ELAPOR2: variants seen among roughly 807,000 people sequenced by gnomAD.
ELAPOR2 encodes endosome/lysosome-associated apoptosis and autophagy regulator family member 2.
In ELAPOR2, 89 loss-of-function variants were observed where a neutral mutation model predicts 120.7. That is an observed-to-expected ratio of 0.74 (90% confidence interval 0.62 to 0.88). The LOEUF (loss-of-function observed/expected upper bound fraction) is 0.88, where lower values mean the gene tolerates loss of function less well. ELAPOR2 is among the 40% of genes least tolerant of loss of function. The probability of loss-of-function intolerance (pLI) is 0.00; values close to 1 mark genes in which losing one functional copy is unlikely to be tolerated. For synonymous variants in ELAPOR2, 444 were observed against 444.9 expected (o/e 1.00, Z 0.03); for missense variants, 1,134 against 1,251.6 (o/e 0.91, Z 1.42).
At chr7:86,982,205 C>T (rs764494894) in intron 1 of ELAPOR2, among the ~76,000 whole-genome samples, 1 of 152,282 alleles carries the variant, frequency 6.6e-6, no homozygotes, top group African/African-American at 2.4e-5. Flanking sequence ...GGCCTGTTGC[C>T]TCTGTACATT....
At chr7:86,968,485 G>A (rs1484849692) in intron 1 of ELAPOR2, among the ~76,000 whole-genome samples, 3 of 151,984 alleles carry the variant, frequency 2.0e-5, no homozygotes, top group Non-Finnish European at 4.4e-5. Context: ...ATATCCAGAG[G>A]GTAATAATCA....
At chr7:86,906,973 G>A (rs1789050027) in intron 18 of ELAPOR2, among the ~76,000 whole-genome samples, 1 of 152,122 alleles carries the variant, frequency 6.6e-6, no homozygotes, top group East Asian at 1.9e-4. Context: ...AGGCATTCAA[G>A]TGTCACTCAT....
chr7:86,978,195 A>G (rs1031273759), intron 1 of ELAPOR2, among the ~76,000 whole-genome samples: 3 of 152,176 alleles, frequency 2.0e-5, no homozygotes, highest in African/African-American at 7.2e-5. Context: ...CACTGCTTGC[A>G]GTCATTGTCT....
rs1799294197 is a variant in ELAPOR2, at chr7:86,879,396, T to C, written c.*1075A>G. 6.6e-6 allele frequency: 1 copy of C among 152,192 alleles called. No homozygotes were observed. The allele number at this position is 152,192 out of a possible 1,614,324, so 9.4% of individuals were successfully genotyped here. ...CACATTCTTATTATGAATACAATTA[T>C]ATGTAATTTTTCAAAACTGAATTCC... On this transcript the variant is annotated 3_prime_UTR_variant, in exon 22 of 22. Transcript: ENST00000450689.
At chr7:86,941,970 A>G (rs1790816093) in intron 5 of ELAPOR2, 48 bp downstream of exon 5, 2 of 1,160,814 alleles carry the variant, frequency 1.7e-6, no homozygotes, top group Non-Finnish European at 2.5e-6. Flanking sequence ...GGGGAAAAAA[A>G]GAAGAAGGAA....
In ELAPOR2 at chr7:86,964,926, G is replaced by C; in HGVS notation, c.288C>G (p.Asp96Glu). 1 of 1,551,520 alleles carries C rather than the reference G, an allele frequency of 6.4e-7. No individual in the cohort carries two copies. Among genetic ancestry groups the C allele is most frequent in the Non-Finnish European group, 8.7e-7 (1 of 1,146,868 alleles). ...TACTGCATTCTTTGCCTCTCACTGGGTCAGGCAGGCCAGAGCAGTCCACTG... is the reference window on the plus strand; with the variant it reads ...TACTGCATTCTTTGCCTCTCACTGGCTCAGGCAGGCCAGAGCAGTCCACTG... ...NSAVDCSGLPDPVRGKECTFS... is the reference protein window; with the variant it reads ...NSAVDCSGLPEPVRGKECTFS... The change falls in exon 2 of 22, where the codon GAC becomes GAG. Residue 96 changes from aspartate to glutamate, a missense_variant. Coordinates refer to ENST00000450689, the MANE Select transcript of ELAPOR2 (RefSeq NM_001142749.3).
At chr7:86,881,747 A>G (rs1799417063) in intron 21 of ELAPOR2, among the ~76,000 whole-genome samples, 1 of 152,182 alleles carries the variant, frequency 6.6e-6, no homozygotes, top group African/African-American at 2.4e-5. Flanking sequence ...AGCTTTCTGA[A>G]GGCTGCTGGA....
Position 86,982,181 on chromosome 7 carries a change from A to G in ELAPOR2, c.190-17157T>C, listed in dbSNP as rs553979191. On this transcript the variant is annotated intron_variant, in intron 1 of 21. Coordinates refer to ENST00000450689, the MANE Select transcript of ELAPOR2 (RefSeq NM_001142749.3). ...GGAAGCTCTAACTGGGCGGAGCCCAACGCAGCTCAGCAAGGCCTGTTGCCT... is the reference window on the plus strand; with the variant it reads ...GGAAGCTCTAACTGGGCGGAGCCCAGCGCAGCTCAGCAAGGCCTGTTGCCT... Among the ~76,000 whole-genome samples, 31 of 152,380 alleles carry G rather than the reference A, an allele frequency of 2.0e-4. 1 individual carries two copies. The South Asian group carries it at 4.3e-3, about 21-fold the overall frequency.
intron 1 of ELAPOR2, among the ~76,000 whole-genome samples, chr7:87,006,897 A>G (rs892141912): frequency 3.3e-5 from 5 of 152,216 alleles, no homozygotes; most frequent in Non-Finnish European, 7.3e-5. Flanking sequence ...GCTGATATGC[A>G]TAACAATGTG....
intron 1 of ELAPOR2, among the ~76,000 whole-genome samples, chr7:87,006,287 C>T (rs532783879): frequency 8.0e-4 from 121 of 150,724 alleles, no homozygotes; most frequent in South Asian, 6.5e-3. Context: ...GTAATTTAAT[C>T]ATTGGTTGCC....
chr7:86,886,434 C>T (rs994645771), intron 21 of ELAPOR2, among the ~76,000 whole-genome samples: 6 of 152,082 alleles, frequency 3.9e-5, no homozygotes, highest in African/African-American at 9.7e-5. Context: ...CTTTGTGATA[C>T]AATTCTCTAT....
At chr7:86,886,525 A>T (rs1799697805) in intron 21 of ELAPOR2, among the ~76,000 whole-genome samples, 1 of 152,106 alleles carries the variant, frequency 6.6e-6, no homozygotes, top group Non-Finnish European at 1.5e-5. Context: ...TTACCTCTTG[A>T]TATGGCTACC....
At chr7:86,915,091 G>C (rs749773150) in intron 12 of ELAPOR2, among the ~76,000 whole-genome samples, 2 of 151,952 alleles carry the variant, frequency 1.3e-5, no homozygotes, top group African/African-American at 2.4e-5. Context: ...ACTTGAAAGA[G>C]GTCTCAAATC....
chr7:87,012,384 T>TG (rs1260959425), intron 1 of ELAPOR2, among the ~76,000 whole-genome samples: 1 of 152,146 alleles, frequency 6.6e-6, no homozygotes, highest in Non-Finnish European at 1.5e-5. Flanking sequence ...CACTCTAGCC[T>TG]GGTGACAGAG....
intron 1 of ELAPOR2, chr7:86,966,035 T>C: frequency 2.4e-6 from 2 of 836,636 alleles, no homozygotes; most frequent in Non-Finnish European, 2.9e-6. Flanking sequence ...TAAGCTGAGA[T>C]TTCCCAAATC....
rs537446600 is a variant in ELAPOR2 at position 86,923,369 on chromosome 7, A to G, written c.1399+2159T>C. Among the ~76,000 whole-genome samples the G allele has an allele frequency of 2.0e-5, 3 of 152,024 alleles. No individual in the cohort carries two copies. The South Asian group carries it at 6.2e-4, about 31-fold the overall frequency. On this transcript the variant is annotated intron_variant, in intron 10 of 21. Coordinates refer to ENST00000450689, the MANE Select transcript of ELAPOR2 (RefSeq NM_001142749.3). ...TTGATCATTCCACATTTTGGAATAT[A>G]TCAAAATATCACACGTACCCCCAAA...
At chr7:86,927,549 C>T (rs1377833935) in intron 8 of ELAPOR2, among the ~76,000 whole-genome samples, 1 of 151,854 alleles carries the variant, frequency 6.6e-6, no homozygotes, top group Admixed American at 6.6e-5. Context: ...CCTCTGCCTT[C>T]AAGGAGAGCA....
At chr7:86,930,634 C>A (rs1790285670) in intron 8 of ELAPOR2, among the ~76,000 whole-genome samples, 1 of 151,954 alleles carries the variant, frequency 6.6e-6, no homozygotes, top group South Asian at 2.1e-4. Context: ...CAGTTCACCT[C>A]TTCAGAGATG....
At chr7:86,946,623 G>GTGA (rs1479074389) in intron 3 of ELAPOR2, among the ~76,000 whole-genome samples, 1 of 152,114 alleles carries the variant, frequency 6.6e-6, no homozygotes, top group Non-Finnish European at 1.5e-5. Context: ...CCAACCTCAG[G>GTGA]TGATCCGCCT....
Sources: gnomAD v4.1 joint callset for allele counts (sites outside exome capture counted in the v4.1 genomes callset) on GRCh38, gnomAD v4.1.1 for gene constraint, MANE v1.5 for transcripts, NCBI Gene and HGNC (gene_info 2026-07-23, HGNC 2026-07-21) for gene names.